CDH12: variants seen among roughly 807,000 people sequenced by gnomAD.
CDH12 encodes cadherin-12.
In CDH12, 41 loss-of-function variants were observed where a neutral mutation model predicts 74.1. The ratio of observed to expected loss-of-function variants is 0.55; its 90% confidence interval spans 0.43 to 0.72. The LOEUF is 0.72. CDH12 is among the 30% of genes least tolerant of loss of function. The pLI, the probability that CDH12 is intolerant of heterozygous loss-of-function variation, is 0.00. For synonymous variants in CDH12, 399 were observed against 355.0 expected, an observed-to-expected ratio of 1.12 and a Z score of -1.39; for missense variants, 945 against 977.2, an observed-to-expected ratio of 0.97 and a Z score of 0.44.
chr5:22,532,480 G>T (rs1737639015), intron 1 of CDH12, among the ~76,000 whole-genome samples: 3 of 148,698 alleles, frequency 2.0e-5, no homozygotes, highest in Admixed American at 2.0e-4. Context: ...TTATATCTAG[G>T]ACATATTAGC....
chr5:21,934,934 CCGCCATCA>C (rs1241357484), intron 6 of CDH12, among the ~76,000 whole-genome samples: 1 of 152,116 alleles, frequency 6.6e-6, no homozygotes, highest in African/African-American at 2.4e-5. Context: ...CTACAGGCGC[CCGCCATCA>C]CGCCCGGCTA....
rs143314057 is a variant in CDH12, at chr5:21,825,739, A to T, written c.815-8607T>A. On this transcript the variant is annotated intron_variant, in intron 8 of 14. Transcript: ENST00000382254. Reference sequence around the variant, plus strand: ...CAGTGGCAATGTCTTAGCAGTGTTCAACACTCTTGGCTATTCCCTGTTTTC... The same window carrying T: ...CAGTGGCAATGTCTTAGCAGTGTTCTACACTCTTGGCTATTCCCTGTTTTC... Among the ~76,000 whole-genome samples, 479 of 152,286 alleles carry T rather than the reference A, an allele frequency of 3.1e-3. 2 individuals are homozygous for T. The highest frequency in any genetic ancestry group is 0.011 in the African/African-American group (453 of 41,554).
At chr5:22,251,122 C>T (rs1753116739) in intron 3 of CDH12, among the ~76,000 whole-genome samples, 1 of 152,120 alleles carries the variant, frequency 6.6e-6, no homozygotes, top group African/African-American at 2.4e-5. Context: ...TGACTGATAG[C>T]TAAAGGTGGC....
At chr5:22,540,831 A>G (rs1184441030) in intron 1 of CDH12, among the ~76,000 whole-genome samples, 1 of 152,240 alleles carries the variant, frequency 6.6e-6, no homozygotes, top group Non-Finnish European at 1.5e-5. Flanking sequence ...AATCTTTCTT[A>G]TGACAAATTT....
intron 6 of CDH12, chr5:21,882,457 T>C (rs1260979602): frequency 4.6e-6 from 3 of 648,432 alleles, no homozygotes; most frequent in Non-Finnish European, 8.4e-6. Context: ...GGCAGATGTC[T>C]GTATGTTCCA....
intron 4 of CDH12, among the ~76,000 whole-genome samples, chr5:22,117,436 TTATA>T (rs1263482105): frequency 9.2e-6 from 1 of 108,256 alleles, no homozygotes; most frequent in Admixed American, 1.2e-4. Flanking sequence ...CATATATAAA[TTATA>T]TATATATAAT....
intron 1 of CDH12, among the ~76,000 whole-genome samples, chr5:22,803,563 C>T (rs1274712563): frequency 1.3e-5 from 2 of 152,198 alleles, no homozygotes; most frequent in African/African-American, 2.4e-5. Context: ...TCCTCCCTCC[C>T]ATATTTTGCT....
intron 1 of CDH12, among the ~76,000 whole-genome samples, chr5:22,655,362 T>G (rs1739978938): frequency 6.6e-6 from 1 of 152,178 alleles, no homozygotes; most frequent in African/African-American, 2.4e-5. Flanking sequence ...AGCTTCGGTG[T>G]CCTCCTTTAC....
intron 1 of CDH12, among the ~76,000 whole-genome samples, chr5:22,696,095 G>A (rs375657908): frequency 1.1e-4 from 17 of 152,140 alleles, no homozygotes; most frequent in East Asian, 9.7e-4. Flanking sequence ...TCAGCTGGGC[G>A]CGGTGGCTCA....
At chr5:22,055,940 A>G (rs1740708999) in intron 5 of CDH12, among the ~76,000 whole-genome samples, 1 of 152,150 alleles carries the variant, frequency 6.6e-6, no homozygotes, top group African/African-American at 2.4e-5. Context: ...AAAAATACAT[A>G]GTCATAAATA....
At position 22,008,497 on chromosome 5, in the gene CDH12, G is replaced by A. The variant is rs188794920; in HGVS notation, c.232-33112C>T. Among the ~76,000 whole-genome samples the A allele has an allele frequency of 5.2e-3, 797 of 152,242 alleles. 2 individuals are homozygous for A. Among genetic ancestry groups the A allele is most frequent in the Non-Finnish European group, 7.2e-3 (492 of 68,016 alleles). Reference sequence around the variant, plus strand: ...GCCCACCTCTGCCTCCCAAAGTGCTGGGATTACAGGCGTGAGCCACTGCAC... The same window carrying A: ...GCCCACCTCTGCCTCCCAAAGTGCTAGGATTACAGGCGTGAGCCACTGCAC... On this transcript the variant is annotated intron_variant, in intron 5 of 14. Transcript: ENST00000382254.
intron 3 of CDH12, among the ~76,000 whole-genome samples, chr5:22,244,746 A>AAGAAAAAG (rs1418432005): frequency 2.4e-5 from 1 of 41,588 alleles, no homozygotes; most frequent in African/African-American, 6.0e-5. Flanking sequence ...AAAGAAAAGA[A>AAGAAAAAG]AGAAAGAAAG....
chr5:22,178,009 A>C (rs1749434887), intron 4 of CDH12, among the ~76,000 whole-genome samples: 1 of 152,200 alleles, frequency 6.6e-6, no homozygotes, highest in Non-Finnish European at 1.5e-5. Context: ...AAAGAAACAG[A>C]AAGTAACATG....
intron 3 of CDH12, among the ~76,000 whole-genome samples, chr5:22,382,955 T>C (rs1295249763): frequency 6.6e-6 from 1 of 152,090 alleles, no homozygotes; most frequent in Admixed American, 6.6e-5. Context: ...CTCAGCCTTC[T>C]GAGTAGCTGG....
chr5:21,817,426 A>G (rs533650180), intron 8 of CDH12, among the ~76,000 whole-genome samples: 1 of 152,214 alleles, frequency 6.6e-6, no homozygotes, highest in African/African-American at 2.4e-5. Flanking sequence ...ATAAAAGTGT[A>G]CCACATATCA....
At chr5:21,753,236 T>G in intron 14 of CDH12, among the ~76,000 whole-genome samples, 1 of 152,282 alleles carries the variant, frequency 6.6e-6, no homozygotes, top group African/African-American at 2.4e-5. Context: ...GAAGAATGCA[T>G]GATGATAAAA....
chr5:22,533,456 A>G (rs993558540), intron 1 of CDH12, among the ~76,000 whole-genome samples: 1 of 152,224 alleles, frequency 6.6e-6, no homozygotes, highest in Non-Finnish European at 1.5e-5. Context: ...CTTGTTTTCT[A>G]TATAAGAAGG....
intron 3 of CDH12, among the ~76,000 whole-genome samples, chr5:22,283,787 C>T (rs925020797): frequency 2.6e-5 from 4 of 151,982 alleles, no homozygotes; most frequent in East Asian, 3.9e-4. Flanking sequence ...AGAAAGAAAA[C>T]ATAACTCTGC....
chr5:22,842,682 T>C (rs1737130902), intron 1 of CDH12, among the ~76,000 whole-genome samples: 2 of 152,282 alleles, frequency 1.3e-5, no homozygotes, highest in South Asian at 4.1e-4. Flanking sequence ...ATTTAAAATG[T>C]TAAACTACTT....
Sources: gnomAD v4.1 joint callset for allele counts (sites outside exome capture counted in the v4.1 genomes callset) on GRCh38, gnomAD v4.1.1 for gene constraint, MANE v1.5 for transcripts, NCBI Gene and HGNC (gene_info 2026-07-23, HGNC 2026-07-21) for gene names.